Variants in TRAP1 observed in about 807,000 individuals in gnomAD.
TRAP1 encodes the protein TNF receptor associated protein 1, also known as heat shock protein 75 kDa, mitochondrial.
Under a neutral mutation model 89.1 loss-of-function variants are expected in TRAP1, and 102 were observed. The ratio of observed to expected loss-of-function variants is 1.15; its 90% confidence interval spans 0.98 to 1.35. The LOEUF is 1.35. TRAP1 is among the 40% of genes most tolerant of loss of function. The pLI is 0.00. For missense variants in TRAP1, 1,256 were observed against 945.3 expected, an observed-to-expected ratio of 1.33 and a Z score of -4.31; for synonymous variants, 508 against 388.0, an observed-to-expected ratio of 1.31 and a Z score of -3.64.
intron 1 of TRAP1, among the ~76,000 whole-genome samples, chr16:3,714,430 G>T (rs2051570945): frequency 6.6e-6 from 1 of 152,198 alleles, no homozygotes; most frequent in Non-Finnish European, 1.5e-5. Flanking sequence ...GGAGGCCAAG[G>T]CTAGTGGATC....
intron 9 of TRAP1, 111 bp from the exon 10 acceptor site, chr16:3,672,931 T>TG: frequency 7.1e-7 from 1 of 1,408,102 alleles, no homozygotes; most frequent in Non-Finnish European, 9.4e-7. Context: ...CGCCTCGCCC[T>TG]CCCCCAGCGT....
chr16:3,707,186 T>G (rs1006074796), intron 1 of TRAP1, among the ~76,000 whole-genome samples: 2 of 143,196 alleles, frequency 1.4e-5, no homozygotes, highest in African/African-American at 5.2e-5. Flanking sequence ...GAGGAAATCT[T>G]TTTTTTTTTT....
chr16:3,686,338 ATTTC>A (rs932091912), intron 3 of TRAP1, among the ~76,000 whole-genome samples: 2 of 152,084 alleles, frequency 1.3e-5, no homozygotes, highest in Admixed American at 6.6e-5. Flanking sequence ...TCCTTTCAGG[ATTTC>A]TTTGAGAGTC....
At chr16:3,658,495 A>G (rs565097227) in intron 17 of TRAP1, 1 of 572,178 alleles carries the variant, frequency 1.7e-6, no homozygotes, top group African/African-American at 1.9e-5. Flanking sequence ...CATCCTGGCC[A>G]AGATGGTGAA....
rs79513838 is a variant in TRAP1, at chr16:3,685,933, A to C, written c.471+63T>G. 6.2e-4 allele frequency: 976 copies of C among 1,572,434 alleles called. 9 individuals are homozygous for C. The East Asian group carries it at 0.021, about 34-fold the overall frequency. ...CCCTGGGACCCGAGACATCACTAGA[A>C]GGCGGATCCTGTCCTTGCTGCATGG... is the stretch of plus-strand genomic sequence containing the variant. On this transcript the variant is annotated intron_variant, in intron 4 of 17. Coordinates refer to ENST00000246957, the MANE Select transcript of TRAP1 (RefSeq NM_016292.3).
intron 3 of TRAP1, 47 bp from the exon 4 acceptor site, chr16:3,686,183 C>A (rs1670340444): frequency 1.9e-6 from 3 of 1,599,818 alleles, no homozygotes; most frequent in Non-Finnish European, 2.6e-6. Context: ...GACACTCATC[C>A]TGCAGGATCT....
rs1053534094 is a variant in TRAP1 at position 3,658,866 on chromosome 16, C to T, written c.1941-1G>A. ...ATTCAGCTTCTTGATGAGCGCGTGC[C>T]TGCAACACAGAACCCACCAGAAAAA... On this transcript the variant is annotated splice_acceptor_variant, in intron 16 of 17. Coordinates refer to ENST00000246957, the MANE Select transcript of TRAP1 (RefSeq NM_016292.3). LOFTEE classifies it high-confidence loss of function. The T allele has an allele frequency of 5.6e-6, 9 of 1,614,046 alleles. No individual in the cohort carries two copies. The highest frequency in any genetic ancestry group is 6.8e-6 in the Non-Finnish European group (8 of 1,180,002).
Position 3,664,729 on chromosome 16 carries a change from G to GA in TRAP1, c.1384-271dup. On this transcript the variant is annotated intron_variant, in intron 12 of 17. Coordinates refer to ENST00000246957, the MANE Select transcript of TRAP1 (RefSeq NM_016292.3). The stretch of plus-strand genomic sequence containing the variant: ...GGGAGCTACGCGCACCACGCCCTGG[G>GA]AGGGGACCCCACCCAACAGCAGAGC... 3 of 420,812 alleles carry GA rather than the reference G, an allele frequency of 7.1e-6. No homozygotes were observed. The South Asian group carries it at 8.9e-5, about 12-fold the overall frequency. The allele number at this position is 420,812 out of a possible 1,614,324, so 26.1% of individuals were successfully genotyped here.
At chr16:3,667,177 AAGAAC>A (rs2050845187) in intron 11 of TRAP1, among the ~76,000 whole-genome samples, 1 of 152,140 alleles carries the variant, frequency 6.6e-6, no homozygotes, top group Non-Finnish European at 1.5e-5. Flanking sequence ...GTCAGAGCCC[AAGAAC>A]CCCAGAGAAG....
intron 3 of TRAP1, chr16:3,687,113 A>G (rs2051148429): frequency 6.6e-6 from 1 of 152,200 alleles, no homozygotes; most frequent in African/African-American, 2.4e-5. Flanking sequence ...TTGTACTCCC[A>G]TAATTCCCAC....
rs986333909 is a variant in TRAP1, at chr16:3,658,540, G to C, written c.2013+253C>G. On this transcript the variant is annotated intron_variant, in intron 17 of 17. Transcript: ENST00000246957. ...TCTACTAAAATACAAAATTAGCCAG[G>C]CGCATGCCTGTAGTCCCAGCTACTC... 7.0e-6 allele frequency: 4 copies of C among 573,556 alleles called. No homozygotes were observed. The Admixed American group carries it at 1.2e-4, about 18-fold the overall frequency. The allele number at this position is 573,556 out of a possible 1,614,324, so 35.5% of individuals were successfully genotyped here. A position where few individuals can be genotyped will look rare whatever the true frequency, so the allele number is the denominator to read the frequency against.
At chr16:3,673,045 C>A (rs12925683) in intron 9 of TRAP1, among the ~76,000 whole-genome samples, 1 of 151,852 alleles carries the variant, frequency 6.6e-6, no homozygotes, top group South Asian at 2.1e-4. Flanking sequence ...CCCCAGCCCA[C>A]CCCCTAAGGA....
intron 1 of TRAP1, among the ~76,000 whole-genome samples, chr16:3,691,422 T>C (rs867262393): frequency 3.3e-5 from 5 of 152,178 alleles, no homozygotes; most frequent in Admixed American, 1.3e-4. Context: ...GGTTTTGCTA[T>C]GTTGCCAAGA....
At chr16:3,717,283 GTCT>G in intron 1 of TRAP1, 135 bp downstream of exon 1, 1 of 358,562 alleles carries the variant, frequency 2.8e-6, no homozygotes, top group Non-Finnish European at 4.9e-6. Flanking sequence ...AAGTAAACGC[GTCT>G]GCCGCGCTTG....
At chr16:3,678,901 G>A (rs757509945) in intron 5 of TRAP1, among the ~76,000 whole-genome samples, 1 of 152,170 alleles carries the variant, frequency 6.6e-6, no homozygotes, top group Admixed American at 6.5e-5. Context: ...CTGCAAAGTC[G>A]ATTCCCTGAG....
Position 3,679,791 on chromosome 16 carries a change from C to T in TRAP1, c.472-1G>A. The T allele has an allele frequency of 6.2e-7, 1 of 1,614,050 alleles. No individual in the cohort carries two copies. The highest frequency in any genetic ancestry group is 1.3e-5 in the African/African-American group (1 of 75,062). On this transcript the variant is annotated splice_acceptor_variant, in intron 4 of 17. Transcript: ENST00000246957. LOFTEE classifies it high-confidence loss of function. ...CCTGTGTCATCCCGATACCAGTATC[C>T]TGAGGAGAGAGACGCACTAAGTGCC... is the stretch of plus-strand genomic sequence containing the variant.
At chr16:3,698,665 G>C (rs1266392161) in intron 1 of TRAP1, among the ~76,000 whole-genome samples, 1 of 151,968 alleles carries the variant, frequency 6.6e-6, no homozygotes, top group East Asian at 2.0e-4. Flanking sequence ...CCAGCACTTT[G>C]GGAGGCCAAG....
intron 11 of TRAP1, among the ~76,000 whole-genome samples, chr16:3,671,072 A>G (rs956774323): frequency 2.6e-5 from 4 of 152,082 alleles, no homozygotes; most frequent in African/African-American, 4.8e-5. Context: ...GGGGGCTCCA[A>G]CAAGGCCCGT....
intron 1 of TRAP1, among the ~76,000 whole-genome samples, chr16:3,714,052 C>T (rs2151287318): frequency 6.6e-6 from 1 of 152,342 alleles, no homozygotes; most frequent in South Asian, 2.1e-4. Flanking sequence ...ACCCTTGCAC[C>T]TGCAGCTTTC....
Sources: gnomAD v4.1 joint callset for allele counts (sites outside exome capture counted in the v4.1 genomes callset) on GRCh38, gnomAD v4.1.1 for gene constraint, MANE v1.5 for transcripts, NCBI Gene and HGNC (gene_info 2026-07-23, HGNC 2026-07-21) for gene names.